Variants in PTPRN2 observed in about 807,000 individuals in gnomAD.
PTPRN2 encodes the protein receptor-type tyrosine-protein phosphatase N2.
Under a neutral mutation model 118.8 loss-of-function variants are expected in PTPRN2, and 74 were observed. That is an observed-to-expected ratio of 0.62 (90% CI 0.52 to 0.76). The LOEUF (loss-of-function observed/expected upper bound fraction) is 0.76. Among genes scored for constraint, PTPRN2 ranks in the 30% least tolerant of loss-of-function variants. PTPRN2 has a pLI of 0.00. For missense variants in PTPRN2, 1,481 were observed against 1,394.4 expected (o/e 1.06, Z -0.99); for synonymous variants, 641 against 608.0 (o/e 1.05, Z -0.80).
chr7:158,083,308 A>ATTTT (rs1404369320), intron 10 of PTPRN2, among the ~76,000 whole-genome samples: 5 of 152,120 alleles, frequency 3.3e-5, no homozygotes, highest in African/African-American at 1.2e-4. Context: ...GGTTTTCTAA[A>ATTTT]ATTAAGAGAA....
chr7:157,719,977 G>A (rs1047307900), intron 12 of PTPRN2, among the ~76,000 whole-genome samples: 2 of 152,156 alleles, frequency 1.3e-5, no homozygotes, highest in Non-Finnish European at 2.9e-5. Context: ...AATAAGACAT[G>A]GTTCCTATTT....
intron 9 of PTPRN2, among the ~76,000 whole-genome samples, chr7:158,114,646 G>A (rs1278159789): frequency 3.3e-5 from 5 of 152,122 alleles, no homozygotes; most frequent in Non-Finnish European, 4.4e-5. Context: ...CAGGAACAAC[G>A]GTAAAGAATA....
intron 12 of PTPRN2, among the ~76,000 whole-genome samples, chr7:157,898,386 C>T (rs895372645): frequency 5.3e-5 from 8 of 152,210 alleles, no homozygotes; most frequent in African/African-American, 1.9e-4. Context: ...AAGGAAGCAC[C>T]TATTTTCTGA....
intron 12 of PTPRN2, among the ~76,000 whole-genome samples, chr7:157,795,269 T>C (rs1804799569): frequency 4.0e-5 from 6 of 151,726 alleles, no homozygotes. Context: ...TAGGGGGCAC[T>C]TTGGCAGGAG....
intron 11 of PTPRN2, among the ~76,000 whole-genome samples, chr7:157,902,109 G>A (rs1423745039): frequency 2.0e-5 from 3 of 152,260 alleles, no homozygotes; most frequent in Non-Finnish European, 2.9e-5. Flanking sequence ...TGAATTGGCA[G>A]TGCAGCAAGG....
chr7:158,573,996 G>GATTGTTAATAATA (rs1828192068), intron 1 of PTPRN2, among the ~76,000 whole-genome samples: 1 of 152,156 alleles, frequency 6.6e-6, no homozygotes, highest in Non-Finnish European at 1.5e-5. Flanking sequence ...TTGTTAATAA[G>GATTGTTAATAATA]ACAAATACAA....
Position 157,590,152 on chromosome 7 carries a change from C to G in PTPRN2, c.2496+5086G>C, listed in dbSNP as rs141574329. Among the ~76,000 whole-genome samples the G allele has an allele frequency of 2.3e-3, 346 of 152,288 alleles. 6 individuals carry two copies. The highest frequency in any genetic ancestry group is 0.018 in the Admixed American group (277 of 15,304). ...TGATATGACTTCAAATAATGTAGCACAAGATTGGCCCATACTTAAGTTTTC... is the reference window on the plus strand; with the variant it reads ...TGATATGACTTCAAATAATGTAGCAGAAGATTGGCCCATACTTAAGTTTTC... On this transcript the variant is annotated intron_variant, in intron 17 of 22. Coordinates refer to ENST00000389418, the MANE Select transcript of PTPRN2 (RefSeq NM_002847.5). The surrounding 1 kb of genome is among the most constrained non-coding windows in gnomAD (Gnocchi z 4.0).
chr7:158,128,111 G>A (rs111826972), intron 9 of PTPRN2, among the ~76,000 whole-genome samples: 2,198 of 152,266 alleles, frequency 0.014, 42 homozygotes, highest in African/African-American at 0.043. Flanking sequence ...ACAACCAAAT[G>A]TACAAAAGTC....
intron 2 of PTPRN2, among the ~76,000 whole-genome samples, chr7:158,339,946 G>A (rs375987269): frequency 0.12 from 7,552 of 62,086 alleles, 31 homozygotes; most frequent in South Asian, 0.21. Context: ...GCTGTCGCCC[G>A]CAGACGTGAC....
At chr7:158,129,714 C>T (rs113965118) in intron 9 of PTPRN2, among the ~76,000 whole-genome samples, 2,864 of 152,302 alleles carry the variant, frequency 0.019, 74 homozygotes, top group African/African-American at 0.058. Flanking sequence ...TAATGGTCTG[C>T]GTCACCCAGT....
intron 2 of PTPRN2, among the ~76,000 whole-genome samples, chr7:158,459,327 A>T (rs12698256): frequency 1.9e-5 from 2 of 103,452 alleles, no homozygotes; most frequent in Admixed American, 1.0e-4. Flanking sequence ...AATCCAGAGC[A>T]CCCGCCTGGG....
At chr7:158,332,574 GTCAC>G (rs1354255864) in intron 2 of PTPRN2, among the ~76,000 whole-genome samples, 1 of 151,342 alleles carries the variant, frequency 6.6e-6, no homozygotes, top group African/African-American at 2.4e-5. Flanking sequence ...ACCTGCAGAC[GTCAC>G]TCACACCCAC....
chr7:158,146,253 T>A (rs374020199), intron 6 of PTPRN2, among the ~76,000 whole-genome samples: 2 of 152,268 alleles, frequency 1.3e-5, no homozygotes, highest in South Asian at 2.1e-4. Flanking sequence ...ATTTTGAAAC[T>A]ATTTTCTGCC....
At position 157,774,538 on chromosome 7, in the gene PTPRN2, C is replaced by T. The variant is rs534731215; in HGVS notation, c.1789-91601G>A. 3.9e-4 allele frequency among the ~76,000 whole-genome samples: 59 copies of T among 152,326 alleles called. 1 individual carries two copies. The highest frequency in any genetic ancestry group is 1.7e-3 in the South Asian group (8 of 4,832). On this transcript the variant is annotated intron_variant, in intron 12 of 22. Transcript: ENST00000389418. ...AAATGGTAAGCCCCCCATCTCTGCA[C>T]GCAGTTCATAATCTAGGTTGTGAGA...
At chr7:158,541,283 G>T in intron 1 of PTPRN2, 1 of 422,858 alleles carries the variant, frequency 2.4e-6, no homozygotes, top group Non-Finnish European at 4.0e-6. Context: ...GCACGTGCTT[G>T]GAACTGTCAC....
rs553519165 is a variant in PTPRN2 at position 158,537,743 on chromosome 7, A to C, written c.113-47958T>G. On this transcript the variant is annotated intron_variant, in intron 1 of 22. Coordinates refer to ENST00000389418, the MANE Select transcript of PTPRN2 (RefSeq NM_002847.5). ...GCAACGAGCCTGGACTGTGCTGCAA[A>C]CTCGATTCCTTGCATATAAATGTGA... 2.0e-5 allele frequency: 3 copies of C among 152,198 alleles called. No individual in the cohort carries two copies. The South Asian group carries it at 6.2e-4, about 31-fold the overall frequency. 9.4% of individuals were successfully genotyped at this position (152,198 alleles called of 1,614,324 possible).
chr7:158,286,289 T>C (rs1045029791), intron 3 of PTPRN2, among the ~76,000 whole-genome samples: 3 of 152,256 alleles, frequency 2.0e-5, no homozygotes, highest in Non-Finnish European at 2.9e-5. Flanking sequence ...GATCATGTCA[T>C]CTGCAAACAG....
At chr7:157,708,294 C>T (rs931823841) in intron 12 of PTPRN2, among the ~76,000 whole-genome samples, 3 of 152,254 alleles carry the variant, frequency 2.0e-5, no homozygotes, top group African/African-American at 7.2e-5. Context: ...CTTCCATTCC[C>T]TGCCTTCCAG....
intron 11 of PTPRN2, among the ~76,000 whole-genome samples, chr7:158,011,186 C>T (rs1248639565): frequency 2.0e-5 from 3 of 152,214 alleles, no homozygotes; most frequent in Admixed American, 1.3e-4. Context: ...TACGTCATTG[C>T]TAAAGACATC....
Sources: gnomAD v4.1 joint callset for allele counts (sites outside exome capture counted in the v4.1 genomes callset) on GRCh38, gnomAD v4.1.1 for gene constraint, Gnocchi (gnomAD v3.1) non-coding constraint, MANE v1.5 for transcripts, NCBI Gene and HGNC (gene_info 2026-07-23, HGNC 2026-07-21) for gene names.